CFAP20DC: variants seen among roughly 807,000 people sequenced by gnomAD.
The protein encoded by CFAP20DC is protein CFAP20DC.
CFAP20DC carries 84 observed loss-of-function variants against 101.7 expected under a neutral mutation model. That is an observed-to-expected ratio of 0.83 (90% CI 0.69 to 0.99). CFAP20DC has a LOEUF of 0.99. Among genes scored for constraint, CFAP20DC ranks in the 50% least tolerant of loss-of-function variants. CFAP20DC has a pLI of 0.00. For missense variants in CFAP20DC, 1,007 were observed against 970.3 expected, an observed-to-expected ratio of 1.04 and a Z score of -0.50; for synonymous variants, 359 against 351.2, an observed-to-expected ratio of 1.02 and a Z score of -0.25.
At chr3:59,038,064 A>C (rs1431968296) in intron 4 of CFAP20DC, among the ~76,000 whole-genome samples, 4 of 152,080 alleles carry the variant, frequency 2.6e-5, no homozygotes, top group Admixed American at 6.6e-5. Context: ...CTCATAAGTA[A>C]GAGGTGAACA....
chr3:58,884,667 A>C lies in CFAP20DC; in HGVS notation c.593T>G (p.Ile198Ser), dbSNP rs1335600550. 1 of 1,613,730 alleles carries C rather than the reference A, an allele frequency of 6.2e-7. No homozygotes were observed. Among genetic ancestry groups the C allele is most frequent in the South Asian group, 1.1e-5 (1 of 91,056 alleles). The change falls in exon 7 of 17, where the codon ATT becomes AGT. Residue 198 changes from isoleucine (I) to serine (S), a missense_variant. Coordinates refer to ENST00000482387, the MANE Select transcript of CFAP20DC (RefSeq NM_001394063.1). ...VPFSTDEPTD[I>S]IPRSCQLMTD... ...CATTAGTTGACAGCTTCGTGGTATA[A>C]TATCTGTAGGCTCATCTGTTGAAAA...
intron 6 of CFAP20DC, among the ~76,000 whole-genome samples, chr3:58,909,279 C>G (rs2083908694): frequency 1.3e-5 from 2 of 152,124 alleles, no homozygotes; most frequent in Admixed American, 6.6e-5. Context: ...AAACTCTATA[C>G]TGTCCGCTTC....
At chr3:58,983,723 G>A (rs2092661446) in intron 4 of CFAP20DC, among the ~76,000 whole-genome samples, 1 of 152,084 alleles carries the variant, frequency 6.6e-6, no homozygotes, top group African/African-American at 2.4e-5. Flanking sequence ...GGCTTAATCT[G>A]TGCCAAGTGC....
At chr3:58,867,610 G>T (rs979985564) in intron 10 of CFAP20DC, among the ~76,000 whole-genome samples, 1 of 152,006 alleles carries the variant, frequency 6.6e-6, no homozygotes, top group Non-Finnish European at 1.5e-5. Flanking sequence ...TATTTCTGTG[G>T]TACTGTCTAT....
chr3:58,757,887 A>G (rs1190652423), intron 15 of CFAP20DC, among the ~76,000 whole-genome samples: 2 of 152,186 alleles, frequency 1.3e-5, no homozygotes, highest in African/African-American at 2.4e-5. Flanking sequence ...AAGCATTTAC[A>G]AAGTATAATG....
At position 58,942,171 on chromosome 3, in the gene CFAP20DC, T is replaced by G. The variant is rs533556425; in HGVS notation, c.279-4409A>C. On this transcript the variant is annotated intron_variant, in intron 4 of 16. Transcript: ENST00000482387. ...TGTCTATATATTTAATTATACTCAT[T>G]GATCTTCAAATGTGAAATGAACTTT... 4.6e-5 allele frequency among the ~76,000 whole-genome samples: 7 copies of G among 152,378 alleles called. No individual in the cohort carries two copies. In the East Asian group the frequency reaches 1.3e-3, roughly 29 times the overall value.
At chr3:58,991,356 C>T (rs895694030) in intron 4 of CFAP20DC, among the ~76,000 whole-genome samples, 2 of 152,100 alleles carry the variant, frequency 1.3e-5, no homozygotes, top group African/African-American at 2.4e-5. Flanking sequence ...CTTCTAAAGG[C>T]TACATATGAA....
intron 4 of CFAP20DC, among the ~76,000 whole-genome samples, chr3:59,012,863 A>C (rs1002746993): frequency 6.6e-6 from 1 of 152,172 alleles, no homozygotes; most frequent in Non-Finnish European, 1.5e-5. Context: ...ATTCACCAAT[A>C]CTGTTCTTAC....
chr3:58,991,496 A>C (rs373884265), intron 4 of CFAP20DC, among the ~76,000 whole-genome samples: 124 of 152,296 alleles, frequency 8.1e-4, no homozygotes, highest in Middle Eastern at 3.4e-3. Flanking sequence ...TATTTGCTTA[A>C]AATATATCCC....
intron 15 of CFAP20DC, among the ~76,000 whole-genome samples, chr3:58,775,593 A>G (rs1363328335): frequency 6.6e-6 from 1 of 152,174 alleles, no homozygotes; most frequent in African/African-American, 2.4e-5. Flanking sequence ...TCTTAAAGGG[A>G]AGTGGAAGGG....
chr3:58,945,004 T>G (rs567447165), intron 4 of CFAP20DC, among the ~76,000 whole-genome samples: 1 of 152,360 alleles, frequency 6.6e-6, no homozygotes, highest in East Asian at 1.9e-4. Flanking sequence ...ATATCATTAT[T>G]AAATATCAAT....
Position 59,001,303 on chromosome 3 carries a change from T to G in CFAP20DC, c.278+38254A>C, listed in dbSNP as rs189910827. ...GATAGACTGCCTCTATAGGACTGTA[T>G]AGATCACCAAGAAGGCATACCACTA... On this transcript the variant is annotated intron_variant, in intron 4 of 16. Transcript: ENST00000482387. The surrounding 1 kb of genome is among the most constrained non-coding windows in gnomAD (Gnocchi z 4.5). 6.6e-6 allele frequency among the ~76,000 whole-genome samples: 1 copy of G among 152,294 alleles called. No homozygotes were observed. Among genetic ancestry groups the G allele is most frequent in the Non-Finnish European group, 1.5e-5 (1 of 68,006 alleles).
chr3:58,949,373 G>A (rs2089793952), intron 4 of CFAP20DC, among the ~76,000 whole-genome samples: 1 of 152,088 alleles, frequency 6.6e-6, no homozygotes, highest in Non-Finnish European at 1.5e-5. Flanking sequence ...TAATTGTGAT[G>A]TTACGGTGTC....
chr3:58,920,778 T>C (rs2085279588), intron 5 of CFAP20DC, among the ~76,000 whole-genome samples: 1 of 152,202 alleles, frequency 6.6e-6, no homozygotes, highest in Non-Finnish European at 1.5e-5. Context: ...CTTTGTCTGA[T>C]TTTGTATCAA....
At chr3:58,849,925 G>A (rs2078073350) in intron 12 of CFAP20DC, among the ~76,000 whole-genome samples, 1 of 151,996 alleles carries the variant, frequency 6.6e-6, no homozygotes, top group Non-Finnish European at 1.5e-5. Context: ...CAAGAGCAAT[G>A]GATAATGGAA....
At chr3:58,929,196 A>G (rs1412587478) in intron 5 of CFAP20DC, among the ~76,000 whole-genome samples, 1 of 152,184 alleles carries the variant, frequency 6.6e-6, no homozygotes, top group East Asian at 1.9e-4. Context: ...TTATAATGGA[A>G]AGATGGCATT....
At chr3:59,044,343 A>C (rs1699667403) in intron 3 of CFAP20DC, among the ~76,000 whole-genome samples, 1 of 152,166 alleles carries the variant, frequency 6.6e-6, no homozygotes, top group South Asian at 2.1e-4. Context: ...ATAGCTATAA[A>C]TTTCTGTTAT....
chr3:58,763,271 G>A (rs9828044), intron 15 of CFAP20DC, among the ~76,000 whole-genome samples: 5,345 of 151,950 alleles, frequency 0.035, 314 homozygotes, highest in African/African-American at 0.12. Context: ...TTTTCTTGTC[G>A]CTTCATTTCA....
rs905261620 is a variant in CFAP20DC, at chr3:58,894,667, G to A, written c.551-9958C>T. ...CAGTGGATCTACCATTCCGGGGTTT[G>A]GAGGATGGTGGCCCTCTTCTTACAG... On this transcript the variant is annotated intron_variant, in intron 6 of 16. Transcript: ENST00000482387. This position sits in a 1 kb window ranked among gnomAD's most constrained non-coding sequence, Gnocchi z 4.1. Among the ~76,000 whole-genome samples, 1 of 152,160 alleles carries A rather than the reference G, an allele frequency of 6.6e-6. No individual in the cohort carries two copies. Among genetic ancestry groups the A allele is most frequent in the Non-Finnish European group, 1.5e-5 (1 of 68,028 alleles).
Sources: gnomAD v4.1 joint callset for allele counts (sites outside exome capture counted in the v4.1 genomes callset) on GRCh38, gnomAD v4.1.1 for gene constraint, Gnocchi (gnomAD v3.1) non-coding constraint, MANE v1.5 for transcripts, NCBI Gene and HGNC (gene_info 2026-07-23, HGNC 2026-07-21) for gene names.